Variants in CTNNA2 observed in about 807,000 individuals in gnomAD.
CTNNA2 encodes the protein catenin alpha-2.
Under a neutral mutation model 101.0 loss-of-function variants are expected in CTNNA2, and 42 were observed. The ratio of observed to expected loss-of-function variants is 0.42; its 90% CI spans 0.32 to 0.54. The LOEUF is 0.54. Ranked by LOEUF, CTNNA2 falls within the 20% of genes least tolerant of loss-of-function variation. The pLI is 0.14. For missense variants in CTNNA2, 871 were observed against 1,223.1 expected, an observed-to-expected ratio of 0.71 and a Z score of 4.29; for synonymous variants, 450 against 456.4, an observed-to-expected ratio of 0.99 and a Z score of 0.18.
chr2:79,191,247 C>T (rs1673866201), intron 1 of CTNNA2, among the ~76,000 whole-genome samples: 2 of 152,166 alleles, frequency 1.3e-5, no homozygotes, highest in South Asian at 4.1e-4. Context: ...CTCCAATTCC[C>T]CTCAGGGAAG....
intron 7 of CTNNA2, among the ~76,000 whole-genome samples, chr2:80,109,398 T>G (rs1165098601): frequency 6.6e-6 from 1 of 151,872 alleles, no homozygotes; most frequent in Non-Finnish European, 1.5e-5. Flanking sequence ...GAGGTGGAGG[T>G]TGCAGTGAGC....
In CTNNA2 at chr2:80,619,069, A is replaced by G. The variant is rs1380677588; in HGVS notation, c.2431-16A>G. ...CTCTCTCTCATTCTCTCTTTTCTGT[A>G]TCTCTCGGAAATCAGACAGGAGTTC... On this transcript the variant is annotated splice_polypyrimidine_tract_variant and intron_variant, in intron 17 of 18. Coordinates refer to ENST00000402739, the MANE Select transcript of CTNNA2 (RefSeq NM_001282597.3). 4.5e-6 allele frequency: 6 copies of G among 1,343,882 alleles called. 1 individual carries two copies. The highest frequency in any genetic ancestry group is 3.6e-5 in the South Asian group (2 of 55,100). The allele number at this position is 1,343,882 out of a possible 1,614,324, so 83.2% of individuals were successfully genotyped here. A position where few individuals can be genotyped will look rare whatever the true frequency, so the allele number is the denominator to read the frequency against.
chr2:80,327,320 G>A (rs1670901858), intron 7 of CTNNA2, among the ~76,000 whole-genome samples: 1 of 152,222 alleles, frequency 6.6e-6, no homozygotes, highest in African/African-American at 2.4e-5. Context: ...GGCCTGAGCA[G>A]GGACATGGGA....
chr2:79,515,273 G>C (rs1671747779), intron 1 of CTNNA2, among the ~76,000 whole-genome samples: 1 of 152,176 alleles, frequency 6.6e-6, no homozygotes, highest in South Asian at 2.1e-4. Context: ...TTTCCTTGTT[G>C]GTGTTCCTTT....
At chr2:79,944,292 T>C (rs1278309991) in intron 7 of CTNNA2, among the ~76,000 whole-genome samples, 1 of 152,198 alleles carries the variant, frequency 6.6e-6, no homozygotes, top group Non-Finnish European at 1.5e-5. Flanking sequence ...ATGTAGCCAG[T>C]GTTTTTGGAT....
intron 4 of CTNNA2, among the ~76,000 whole-genome samples, chr2:79,490,872 T>A (rs911953674): frequency 2.6e-5 from 4 of 152,202 alleles, no homozygotes; most frequent in African/African-American, 4.8e-5. Context: ...GTTTTGGACA[T>A]ACTTCCCAGC....
chr2:79,935,968 T>A (rs1267594158), intron 7 of CTNNA2, among the ~76,000 whole-genome samples: 2 of 152,218 alleles, frequency 1.3e-5, no homozygotes, highest in African/African-American at 2.4e-5. Context: ...TGCAACCGTT[T>A]CCCGTGTAAT....
At chr2:80,300,055 C>T (rs1455907494) in intron 7 of CTNNA2, among the ~76,000 whole-genome samples, 2 of 152,232 alleles carry the variant, frequency 1.3e-5, no homozygotes. Flanking sequence ...CTTTTTCCTG[C>T]TACCCCTGCT....
intron 1 of CTNNA2, among the ~76,000 whole-genome samples, chr2:79,592,381 C>T (rs1461034932): frequency 6.6e-6 from 1 of 152,098 alleles, no homozygotes; most frequent in Non-Finnish European, 1.5e-5. Context: ...ATCCACCCGC[C>T]TTGGCCTCCC....
At chr2:79,449,081 A>G (rs888403058) in intron 4 of CTNNA2, among the ~76,000 whole-genome samples, 4 of 151,996 alleles carry the variant, frequency 2.6e-5, no homozygotes, top group African/African-American at 9.7e-5. Context: ...CTCATTCTTC[A>G]GTGTTTTAAG....
chr2:80,170,111 C>T (rs1704949713), intron 7 of CTNNA2, among the ~76,000 whole-genome samples: 1 of 152,066 alleles, frequency 6.6e-6, no homozygotes, highest in South Asian at 2.1e-4. Flanking sequence ...CTCTTATTTA[C>T]ATTTTCTGGA....
At chr2:79,600,044 T>A (rs1677449636) in intron 1 of CTNNA2, among the ~76,000 whole-genome samples, 1 of 152,226 alleles carries the variant, frequency 6.6e-6, no homozygotes, top group African/African-American at 2.4e-5. Context: ...GCTAATTTTC[T>A]GTTACTTTCA....
chr2:79,962,503 A>C (rs1467726827), intron 7 of CTNNA2, among the ~76,000 whole-genome samples: 1 of 152,212 alleles, frequency 6.6e-6, no homozygotes, highest in Non-Finnish European at 1.5e-5. Flanking sequence ...TTGGAGCCTA[A>C]ATTCAAATTT....
chr2:80,609,832 A>G (rs2149787237), intron 17 of CTNNA2, among the ~76,000 whole-genome samples: 1 of 151,780 alleles, frequency 6.6e-6, no homozygotes, highest in East Asian at 2.0e-4. Flanking sequence ...GGCAATTTTT[A>G]CTAGCAGAGC....
intron 18 of CTNNA2, among the ~76,000 whole-genome samples, chr2:80,638,048 A>T (rs540501799): frequency 6.6e-6 from 1 of 152,246 alleles, no homozygotes; most frequent in South Asian, 2.1e-4. Flanking sequence ...TTCCTAGATA[A>T]TTGTTCCTCT....
At position 80,514,998 on chromosome 2, in the gene CTNNA2, C is replaced by A. The variant is rs116409360; in HGVS notation, c.1291-29984C>A. Among the ~76,000 whole-genome samples the A allele has an allele frequency of 8.4e-3, 1,282 of 152,246 alleles. 17 individuals are homozygous for A. The highest frequency in any genetic ancestry group is 0.029 in the African/African-American group (1,209 of 41,542). On this transcript the variant is annotated intron_variant, in intron 9 of 18. Coordinates refer to ENST00000402739, the MANE Select transcript of CTNNA2 (RefSeq NM_001282597.3). ...CTACCCCTGTCTGTCTAGAATTTCT[C>A]TGCCTTCTTCCTCTATGAAGAGGAG...
chr2:79,810,396 C>T (rs777621149), intron 3 of CTNNA2, among the ~76,000 whole-genome samples: 24 of 151,892 alleles, frequency 1.6e-4, no homozygotes, highest in East Asian at 5.8e-4. Flanking sequence ...TGGGGGAAAC[C>T]GCCCCATGAT....
At chr2:79,362,654 T>C (rs971694886) in intron 3 of CTNNA2, among the ~76,000 whole-genome samples, 15 of 152,224 alleles carry the variant, frequency 9.9e-5, no homozygotes, top group African/African-American at 3.6e-4. Flanking sequence ...CCACGCAATG[T>C]AAACAGAAGA....
In CTNNA2 at chr2:79,438,241, C is replaced by T. The variant is rs1464188708; in HGVS notation, c.-135+64228C>T. Reference sequence around the variant, plus strand: ...GCTCTAGAGATAAGTGTGGGGGAGTCCCTGTGAAGCTGCTTTTCCAGCTCC... The same window carrying T: ...GCTCTAGAGATAAGTGTGGGGGAGTTCCTGTGAAGCTGCTTTTCCAGCTCC... On this transcript the variant is annotated intron_variant, in intron 4 of 21. Coordinates refer to the CTNNA2 transcript ENST00000466387. Among the ~76,000 whole-genome samples the T allele has an allele frequency of 2.6e-4, 40 of 152,138 alleles. 1 individual carries two copies. Among genetic ancestry groups the T allele is most frequent in the Admixed American group, 2.6e-3 (40 of 15,264 alleles).
Sources: allele counts gnomAD v4.1 joint callset (sites outside exome capture counted in the v4.1 genomes callset), GRCh38; gene constraint gnomAD v4.1.1; transcripts MANE v1.5; gene names NCBI Gene and HGNC (gene_info 2026-07-23, HGNC 2026-07-21).